The following GCAT variants were observed in gnomAD, a reference collection of about 807,000 sequenced individuals.
The protein encoded by GCAT is glycine C-acetyltransferase.
A neutral mutation model predicts 39.7 loss-of-function variants in GCAT; 26 were observed. That is an observed-to-expected ratio of 0.65 (90% CI 0.48 to 0.91). The LOEUF (loss-of-function observed/expected upper bound fraction) is 0.91, where lower values mean the gene tolerates loss of function less well. GCAT is among the 40% of genes least tolerant of loss of function. GCAT has a pLI of 0.00. For missense variants in GCAT, 550 were observed against 576.2 expected (o/e 0.95, Z 0.47); for synonymous variants, 218 against 237.2 (o/e 0.92, Z 0.74).
chr22:37,816,009 C>T (rs1051807934), intron 7 of GCAT, 175 bp downstream of exon 7: 2 of 442,384 alleles, frequency 4.5e-6, no homozygotes, highest in African/African-American at 2.1e-5. Flanking sequence ...CTTCTTATCC[C>T]TCCTGTCTTT....
rs1922040290 is a variant in GCAT at position 37,815,295 on chromosome 22, C to T, written c.731+15C>T. ...CCCACAGGACGGTGGGACCATGTGG[C>T]ACCTGAGGCCTGGGGTGGGGCTTCT... On this transcript the variant is annotated intron_variant, in intron 5 of 8. Coordinates refer to ENST00000248924, the MANE Select transcript of GCAT (RefSeq NM_014291.4). 15 of 1,611,170 alleles carry T rather than the reference C, an allele frequency of 9.3e-6. No individual in the cohort carries two copies. Among genetic ancestry groups the T allele is most frequent in the Non-Finnish European group, 1.3e-5 (15 of 1,178,136 alleles).
At chr22:37,814,807 C>T (rs1486576543) in intron 4 of GCAT, among the ~76,000 whole-genome samples, 2 of 152,208 alleles carry the variant, frequency 1.3e-5, no homozygotes, top group Non-Finnish European at 2.9e-5. Context: ...TTCTGTGTGG[C>T]AGGCCCTTGC....
intron 1 of GCAT, among the ~76,000 whole-genome samples, chr22:37,808,974 A>G (rs1921277823): frequency 6.6e-6 from 1 of 152,144 alleles, no homozygotes; most frequent in Non-Finnish European, 1.5e-5. Context: ...GGCGTGAGCC[A>G]CCACTCCCAG....
intron 4 of GCAT, among the ~76,000 whole-genome samples, chr22:37,814,562 CTGTT>C (rs1375150603): frequency 2.0e-5 from 3 of 152,220 alleles, no homozygotes; most frequent in East Asian, 3.8e-4. Flanking sequence ...CGCACCCAGC[CTGTT>C]TGTTTGTTTT....
chr22:37,815,482 G>T lies in GCAT; in HGVS notation c.796G>T (p.Ala266Ser). ...CATCATCAACTCCACCCTGGGGAAG[G>T]CCCTGGGTGGAGCATCAGGTACCTG... ...VTIINSTLGK[A>S]LGGASGGYTT... is the part of the protein sequence containing the mutation. The change falls in exon 6 of 9, where the codon GCC becomes TCC. Residue 266 changes from alanine (A) to serine (S), a missense_variant. Ala to Ser is a moderately conservative substitution (Grantham distance 99). Coordinates refer to ENST00000248924, the MANE Select transcript of GCAT (RefSeq NM_014291.4). The T allele has an allele frequency of 1.2e-6, 2 of 1,607,378 alleles. No homozygotes were observed. Among genetic ancestry groups the T allele is most frequent in the Non-Finnish European group, 1.7e-6 (2 of 1,177,020 alleles).
At chr22:37,809,755 G>A (rs1281066195) in intron 1 of GCAT, among the ~76,000 whole-genome samples, 2 of 152,016 alleles carry the variant, frequency 1.3e-5, no homozygotes, top group South Asian at 2.1e-4. Context: ...GGGAGGTTGG[G>A]GCTACAGTGA....
intron 2 of GCAT, 64 bp downstream of exon 2, chr22:37,810,221 A>C: frequency 7.9e-7 from 1 of 1,267,246 alleles, no homozygotes; most frequent in South Asian, 1.2e-5. Context: ...CACAGTCAGC[A>C]AGGCTGGTTT....
At chr22:37,809,419 C>T (rs1921326082) in intron 1 of GCAT, among the ~76,000 whole-genome samples, 1 of 152,118 alleles carries the variant, frequency 6.6e-6, no homozygotes, top group Admixed American at 6.5e-5. Context: ...TCTTCTTTAA[C>T]CCTCAAGGAA....
intron 2 of GCAT, 58 bp from the exon 3 acceptor site, chr22:37,812,829 C>T (rs1408753057): frequency 4.5e-5 from 55 of 1,210,826 alleles, no homozygotes; most frequent in Non-Finnish European, 6.5e-5. Context: ...TCTGTCCCCT[C>T]GAACTTGTCC....
At chr22:37,813,769 T>A (rs546529187) in intron 4 of GCAT, among the ~76,000 whole-genome samples, 160 bp downstream of exon 4, 17 of 147,434 alleles carry the variant, frequency 1.2e-4, no homozygotes, top group Admixed American at 4.7e-4. Flanking sequence ...GCATTATTCT[T>A]TTTTTTTTTT....
At position 37,813,346 on chromosome 22, in the gene GCAT, C is replaced by T. The variant is rs780257773; in HGVS notation, c.430-117C>T. On this transcript the variant is annotated intron_variant, in intron 3 of 8. Transcript: ENST00000248924. ...GAGAGAAGCACAGAACACCTTGCCT[C>T]TCTACCCAGAGGAGCGCCCTGGCTG... 9 of 1,168,252 alleles carry T rather than the reference C, an allele frequency of 7.7e-6. No homozygotes were observed. In the South Asian group the frequency reaches 9.2e-5, roughly 12 times the overall value. The allele number at this position is 1,168,252 out of a possible 1,614,324, so 72.4% of individuals were successfully genotyped here.
intron 5 of GCAT, 41 bp downstream of exon 5, chr22:37,815,321 G>C: frequency 6.2e-7 from 1 of 1,605,972 alleles, no homozygotes; most frequent in Non-Finnish European, 8.5e-7. Flanking sequence ...TGGGGCTTCT[G>C]AGGGTGGCTG....
At chr22:37,811,803 G>A (rs1921622490) in intron 2 of GCAT, among the ~76,000 whole-genome samples, 2 of 150,404 alleles carry the variant, frequency 1.3e-5, no homozygotes, top group South Asian at 4.2e-4. Flanking sequence ...TTGAACCCAT[G>A]AGGCAGGGGT....
Position 37,813,552 on chromosome 22 carries a change from G to A in GCAT, c.519G>A (p.Lys173=). ...GCATCCGGCTGTGCAAGGCCCACAA[G>A]TACCGCTATCGCCACCTGGACATGG... The part of the protein sequence containing the change: ...IDGIRLCKAH[K]YRYRHLDMAD... Residue 173 remains lysine, a synonymous_variant, in exon 4 of 9, where the codon AAG becomes AAA. Transcript: ENST00000248924. 1.2e-6 allele frequency: 2 copies of A among 1,613,646 alleles called. No individual in the cohort carries two copies. The highest frequency in any genetic ancestry group is 1.3e-5 in the African/African-American group (1 of 75,060).
rs1273317280 is a variant in GCAT at position 37,813,539 on chromosome 22, G to T, written c.506G>T (p.Cys169Phe). The change falls in exon 4 of 9, where the codon TGC (cysteine) becomes TTC (phenylalanine). Residue 169 changes from cysteine (C) to phenylalanine (F), a missense_variant. Physicochemically the swap from Cys to Phe is radical, Grantham distance 205 (BLOSUM62 -2). This residue lies in a region of GCAT where 378 missense variants were observed against 390.4 expected (regional missense o/e 0.97). Coordinates refer to ENST00000248924, the MANE Select transcript of GCAT (RefSeq NM_014291.4). ...TCCATCATCGACGGCATCCGGCTGT[G>T]CAAGGCCCACAAGTACCGCTATCGC... ...HASIIDGIRL[C>F]KAHKYRYRHL... is the part of the protein sequence containing the mutation. The T allele has an allele frequency of 6.2e-7, 1 of 1,613,590 alleles. No homozygotes were observed. The highest frequency in any genetic ancestry group is 1.1e-5 in the South Asian group (1 of 90,988).
chr22:37,815,830 CAG>C lies in GCAT; in HGVS notation c.985_986del (p.Arg329ValfsTer3). ...TGTCCAGTCTATGGCTGCCAAGACCCAGAGGTGCGACTCCCAGCAGGGCAGGC... is the reference window on the plus strand; with the variant it reads ...TGTCCAGTCTATGGCTGCCAAGACCCAGGTGCGACTCCCAGCAGGGCAGGC... ...TIVQSMAAKT[Q>X]RFRSKMEAAG... On this transcript the variant is annotated frameshift_variant and splice_region_variant, in exon 7 of 9. Coordinates refer to ENST00000248924, the MANE Select transcript of GCAT (RefSeq NM_014291.4). LOFTEE classifies it high-confidence loss of function. The C allele has an allele frequency of 6.2e-7, 1 of 1,613,892 alleles. No homozygotes were observed. Among genetic ancestry groups the C allele is most frequent in the South Asian group, 1.1e-5 (1 of 91,076 alleles).
intron 1 of GCAT, 109 bp from the exon 2 acceptor site, chr22:37,809,918 G>A: frequency 6.9e-7 from 1 of 1,449,038 alleles, no homozygotes; most frequent in Non-Finnish European, 9.5e-7. Context: ...GGTGACTCCA[G>A]GTCTGTTTCC....
chr22:37,816,289 CCT>C lies in GCAT; in HGVS notation c.1080_1081del (p.Arg361HisfsTer4). 2.5e-6 allele frequency: 4 copies of C among 1,612,662 alleles called. No individual in the cohort carries two copies. The highest frequency in any genetic ancestry group is 1.1e-5 in the South Asian group (1 of 91,080). On this transcript the variant is annotated frameshift_variant, in exon 8 of 9. Transcript: ENST00000248924. LOFTEE classifies it high-confidence loss of function. Reference sequence around the variant, plus strand: ...GTGATGCTGGGTGATGCCCGGCTGGCCTCTCGCATGGCGGATGACATGCTGAA... The same window carrying C: ...GTGATGCTGGGTGATGCCCGGCTGGCCTCGCATGGCGGATGACATGCTGAA...
chr22:37,814,220 T>C (rs568017071), intron 4 of GCAT, among the ~76,000 whole-genome samples: 1 of 152,264 alleles, frequency 6.6e-6, no homozygotes, highest in South Asian at 2.1e-4. Context: ...CCCACCTCAG[T>C]CTCCTGAGTA....
Sources: allele counts gnomAD v4.1 joint callset (sites outside exome capture counted in the v4.1 genomes callset), GRCh38; gene constraint gnomAD v4.1.1; regional missense constraint gnomAD v4.1.1; transcripts MANE v1.5; gene names NCBI Gene and HGNC (gene_info 2026-07-23, HGNC 2026-07-21).